The following RRBP1 variants were observed in gnomAD, a reference collection of about 807,000 sequenced individuals.
RRBP1 encodes ribosome binding protein 1.
In RRBP1, 94 loss-of-function variants were observed where a neutral mutation model predicts 165.2. That is an observed-to-expected ratio of 0.57 (90% CI 0.48 to 0.68). The LOEUF (loss-of-function observed/expected upper bound fraction) is 0.68, where lower values mean the gene tolerates loss of function less well. Among genes scored for constraint, RRBP1 ranks in the 30% least tolerant of loss-of-function variants. The pLI is 0.00. For missense variants in RRBP1, 1,676 were observed against 1,763.0 expected (o/e 0.95, Z 0.88); for synonymous variants, 680 against 714.5 (o/e 0.95, Z 0.77).
chr20:17,621,478 G>C lies in RRBP1; in HGVS notation c.3394C>G (p.Arg1132Gly), dbSNP rs761007374. 1 of 1,612,450 alleles carries C rather than the reference G, an allele frequency of 6.2e-7. No homozygotes were observed. The highest frequency in any genetic ancestry group is 1.7e-5 in the Admixed American group (1 of 60,018). The change falls in exon 16 of 25, where the codon CGC (arginine) becomes GGC (glycine). Residue 1132 changes from arginine to glycine, a missense_variant. By Grantham distance (125) the Arg-to-Gly change is moderately radical. Around this residue, in one of 5 missense-constraint regions of RRBP1, gnomAD observed 1,184 missense variants for 1,167.1 expected, o/e 1.01. Transcript: ENST00000377813. ...STLQAECDQY[R>G]SILAETEGML... ...CTCACCGTCTCCGCCAGGATGCTGCGGTACTGGTCACACTCGGCCTGCAGT... is the reference window on the plus strand; with the variant it reads ...CTCACCGTCTCCGCCAGGATGCTGCCGTACTGGTCACACTCGGCCTGCAGT...
chr20:17,655,118 G>A (rs1405608701), intron 3 of RRBP1, among the ~76,000 whole-genome samples: 5 of 152,196 alleles, frequency 3.3e-5, no homozygotes, highest in Admixed American at 1.3e-4. Context: ...TCCAAAGGGC[G>A]TTCCCAGCTC....
At chr20:17,622,074 C>T (rs1453724225) in intron 13 of RRBP1, 127 bp from the exon 14 acceptor site, 22 of 696,376 alleles carry the variant, frequency 3.2e-5, no homozygotes, top group Admixed American at 2.3e-4. Flanking sequence ...TTCAGGGAAG[C>T]GACAAGAATC....
At position 17,659,017 on chromosome 20, in the gene RRBP1, G is replaced by T; in HGVS notation, c.1491C>A (p.Asn497Lys). 1 of 1,592,772 alleles carries T rather than the reference G, an allele frequency of 6.3e-7. No individual in the cohort carries two copies. The highest frequency in any genetic ancestry group is 2.3e-5 in the East Asian group (1 of 44,176). The change falls in exon 3 of 25, where the codon AAC becomes AAA. Residue 497 changes from asparagine to lysine, a missense_variant. Transcript: ENST00000377813. ...NQGKKAEGAQ[N>K]QGKKAEGAQN... ...GGGCTCCCTCGGCCTTTTTGCCCTG[G>T]TTCTGAGCCCCCTCGGCCTTCTTGC... is the stretch of plus-strand genomic sequence containing the variant.
rs1197678643 is a variant in RRBP1 at position 17,621,880 on chromosome 20, G to C, written c.3215C>G (p.Pro1072Arg). 2 of 1,613,772 alleles carry C rather than the reference G, an allele frequency of 1.2e-6. No individual in the cohort carries two copies. Among genetic ancestry groups the C allele is most frequent in the Admixed American group, 1.7e-5 (1 of 60,002 alleles). The change falls in exon 14 of 25, where the codon CCA becomes CGA. Residue 1072 changes from proline to arginine, a missense_variant. Physicochemically the swap from Pro to Arg is moderately radical, Grantham distance 103 (BLOSUM62 -2). Coordinates refer to ENST00000377813, the MANE Select transcript of RRBP1 (RefSeq NM_001365613.2). ...CTGTTGTGCCAAGACAGAGAGTTCT[G>C]GGAGCAGAGCCAGCAGGGCCTCCAT... Reference protein sequence around the residue: ...QTMEALLALLPELSVLAQQNY... With the variant: ...QTMEALLALLRELSVLAQQNY...
chr20:17,637,618 C>A (rs2036271921), intron 5 of RRBP1, among the ~76,000 whole-genome samples: 1 of 152,222 alleles, frequency 6.6e-6, no homozygotes, highest in African/African-American at 2.4e-5. Context: ...CGTCCCCTCC[C>A]CAGACCAGGA....
At chr20:17,654,271 T>C (rs1178094602) in intron 3 of RRBP1, among the ~76,000 whole-genome samples, 1 of 152,200 alleles carries the variant, frequency 6.6e-6, no homozygotes, top group African/African-American at 2.4e-5. Context: ...ATGGAACTGG[T>C]GGCAGCAGGT....
intron 2 of RRBP1, among the ~76,000 whole-genome samples, chr20:17,668,806 C>T (rs571047455): frequency 1.9e-4 from 29 of 152,298 alleles, no homozygotes; most frequent in Non-Finnish European, 3.2e-4. Context: ...CCGATAATAC[C>T]GCACCCCTAC....
intron 3 of RRBP1, among the ~76,000 whole-genome samples, chr20:17,652,431 G>C (rs929414023): frequency 6.6e-6 from 1 of 152,110 alleles, no homozygotes; most frequent in Non-Finnish European, 1.5e-5. Context: ...CCCTGCCCAA[G>C]TCAAGGCCTC....
At chr20:17,678,370 T>C (rs536625786) in intron 2 of RRBP1, among the ~76,000 whole-genome samples, 2 of 152,338 alleles carry the variant, frequency 1.3e-5, no homozygotes, top group African/African-American at 4.8e-5. Flanking sequence ...GGGTAAAAAA[T>C]CTCTCCAGGA....
intron 2 of RRBP1, among the ~76,000 whole-genome samples, chr20:17,663,067 A>ACCC (rs2036796470): frequency 1.3e-5 from 2 of 152,174 alleles, no homozygotes; most frequent in Non-Finnish European, 2.9e-5. Flanking sequence ...AGAAACGAAC[A>ACCC]TTAGGGGCCT....
chr20:17,633,565 G>A lies in RRBP1; in HGVS notation c.2505C>T (p.Ser835=). The part of the protein sequence containing the change: ...AKLRQELSKV[S]KELVEKSEAV... ...CCTCTGACTTCTCCACCAGCTCTTT[G>A]CTGACCTTGCTGAGCTCCTGCCGAA... is the stretch of plus-strand genomic sequence containing the variant. The change falls in exon 8 of 25, where the codon AGC becomes AGT. Residue 835 remains serine, a synonymous_variant. Transcript: ENST00000377813. The A allele has an allele frequency of 1.2e-6, 2 of 1,614,042 alleles. No individual in the cohort carries two copies. The highest frequency in any genetic ancestry group is 1.7e-6 in the Non-Finnish European group (2 of 1,180,032).
At chr20:17,646,701 T>A (rs1311155128) in intron 3 of RRBP1, among the ~76,000 whole-genome samples, 2 of 152,044 alleles carry the variant, frequency 1.3e-5, no homozygotes, top group East Asian at 1.9e-4. Context: ...AAAATGACTC[T>A]CCCTTCTGCG....
intron 11 of RRBP1, 27 bp from the exon 12 acceptor site, chr20:17,625,629 CTAGGCTCCAA>C (rs2036002761): frequency 6.3e-7 from 1 of 1,599,562 alleles, no homozygotes; most frequent in African/African-American, 1.3e-5. Context: ...AGGTCACCGC[CTAGGCTCCAA>C]GGGGCTACAG....
rs572437450 is a variant in RRBP1, at chr20:17,620,334, C to G, written c.3544G>C (p.Glu1182Gln). ...CTTTCAAGTTCTCCTTTTAGCTTCT[C>G]TACAATCTCTTCGAGATGCTTCACT... ...VTVKHLEEIV[E>Q]KLKGELESSD... Residue 1182 changes from glutamate (E) to glutamine (Q), a missense_variant, in exon 18 of 25, where the codon GAG becomes CAG. Glu to Gln is a conservative substitution (Grantham distance 29). Transcript: ENST00000377813. The G allele has an allele frequency of 7.4e-6, 12 of 1,613,942 alleles. No homozygotes were observed. The South Asian group carries it at 9.9e-5, about 13-fold the overall frequency.
At chr20:17,640,497 G>C (rs1266520500) in intron 5 of RRBP1, among the ~76,000 whole-genome samples, 2 of 152,172 alleles carry the variant, frequency 1.3e-5, no homozygotes, top group Non-Finnish European at 2.9e-5. Context: ...AGGGGCCCCT[G>C]GCAGAGCTTG....
chr20:17,659,009 T>C lies in RRBP1; in HGVS notation c.1499A>G (p.Lys500Arg), dbSNP rs201108213. 170 of 1,598,022 alleles carry C rather than the reference T, an allele frequency of 1.1e-4. No individual in the cohort carries two copies. The East Asian group carries it at 2.2e-3, about 21-fold the overall frequency. ...KKAEGAQNQG[K>R]KAEGAQNQGQ... ...CTGGTTCTGGGCTCCCTCGGCCTTT[T>C]TGCCCTGGTTCTGAGCCCCCTCGGC... The change falls in exon 3 of 25, where the codon AAA becomes AGA. Residue 500 changes from lysine to arginine, a missense_variant. Lys to Arg is a conservative substitution (Grantham distance 26). Coordinates refer to ENST00000377813, the MANE Select transcript of RRBP1 (RefSeq NM_001365613.2).
At chr20:17,674,763 A>G (rs1460807557) in intron 2 of RRBP1, among the ~76,000 whole-genome samples, 1 of 152,164 alleles carries the variant, frequency 6.6e-6, no homozygotes, top group Non-Finnish European at 1.5e-5. Flanking sequence ...CTCTCAAAAA[A>G]AAAGAATTCT....
chr20:17,679,548 G>A (rs998880192), intron 2 of RRBP1, among the ~76,000 whole-genome samples: 2 of 152,208 alleles, frequency 1.3e-5, no homozygotes, highest in East Asian at 1.9e-4. Flanking sequence ...AAGACAAGAA[G>A]AGTCTGGGGT....
chr20:17,627,187 C>CCT (rs11472106), intron 11 of RRBP1, among the ~76,000 whole-genome samples, 161 bp downstream of exon 11: 91,131 of 151,926 alleles, frequency 0.6, 30,110 homozygotes, highest in Middle Eastern at 0.81. Flanking sequence ...AGGCCTGTCC[C>CCT]GTCCTCTAAA....
Sources: allele counts gnomAD v4.1 joint callset (sites outside exome capture counted in the v4.1 genomes callset), GRCh38; gene constraint gnomAD v4.1.1; regional missense constraint gnomAD v4.1.1; transcripts MANE v1.5; gene names NCBI Gene and HGNC (gene_info 2026-07-23, HGNC 2026-07-21).